EPB41L2: variants seen among roughly 807,000 people sequenced by gnomAD.
EPB41L2 encodes the protein erythrocyte membrane protein band 4.1 like 2, also known as band 4.1-like protein 2.
A neutral mutation model predicts 113.0 loss-of-function variants in EPB41L2; 43 were observed. The ratio of observed to expected loss-of-function variants is 0.38; its 90% confidence interval spans 0.30 to 0.49. EPB41L2 has a LOEUF of 0.49. Ranked by LOEUF, EPB41L2 falls within the 20% of genes least tolerant of loss-of-function variation. EPB41L2 has a pLI of 0.95. For missense variants in EPB41L2, 1,147 were observed against 1,223.4 expected (o/e 0.94, Z 0.93); for synonymous variants, 442 against 436.7 (o/e 1.01, Z -0.15).
At position 130,892,403 on chromosome 6, in the gene EPB41L2, C is replaced by CTTTTTTTTTTTTTTTTTTTTTT. The variant is rs60350565; in HGVS notation, c.1488-1938_1488-1937insAAAAAAAAAAAAAAAAAAAAAA. Among the ~76,000 whole-genome samples, 78 of 92,616 alleles carry CTTTTTTTTTTTTTTTTTTTTTT rather than the reference C, an allele frequency of 8.4e-4. 13 individuals are homozygous for CTTTTTTTTTTTTTTTTTTTTTT. The highest frequency in any genetic ancestry group is 1.3e-3 in the Non-Finnish European group (55 of 41,480). The allele number at this position is 92,616 out of a possible 152,430, so 60.8% of individuals were successfully genotyped here. A position where few individuals can be genotyped will look rare whatever the true frequency, so the allele number is the denominator to read the frequency against. On this transcript the variant is annotated intron_variant, in intron 10 of 19. Transcript: ENST00000337057. ...CTTGCCATTTCTGAACAGATTATTG[C>CTTTTTTTTTTTTTTTTTTTTTT]TTTTTTTTTTTTTTTTTTTATCATT...
chr6:130,899,728 T>C, intron 7 of EPB41L2, 150 bp from the exon 8 acceptor site: 1 of 653,480 alleles, frequency 1.5e-6, no homozygotes. Context: ...AGAAAACAAC[T>C]CTCAACCTCT....
chr6:130,921,770 T>C (rs1802955373), intron 4 of EPB41L2, among the ~76,000 whole-genome samples: 1 of 152,204 alleles, frequency 6.6e-6, no homozygotes, highest in Non-Finnish European at 1.5e-5. Context: ...CAAGTGTCTC[T>C]CCTATCTAGT....
chr6:130,986,042 T>G (rs4895901), intron 1 of EPB41L2, among the ~76,000 whole-genome samples: 42,539 of 151,980 alleles, frequency 0.28, 7,046 homozygotes, highest in Non-Finnish European at 0.37. Context: ...CCAACATCCC[T>G]ATAAACATAC....
At chr6:130,855,623 C>T (rs1351605208) in intron 19 of EPB41L2, among the ~76,000 whole-genome samples, 1 of 151,974 alleles carries the variant, frequency 6.6e-6, no homozygotes, top group Admixed American at 6.6e-5. Context: ...TTTGTAAGAC[C>T]TCATTTGATT....
At chr6:130,930,229 GC>G (rs146759452) in intron 3 of EPB41L2, among the ~76,000 whole-genome samples, 3,781 of 152,130 alleles carry the variant, frequency 0.025, 182 homozygotes, top group African/African-American at 0.087. Context: ...TAGCAAAAGA[GC>G]CCACTATTTT....
intron 16 of EPB41L2, among the ~76,000 whole-genome samples, chr6:130,866,524 C>T (rs1490439877): frequency 6.6e-6 from 1 of 152,170 alleles, no homozygotes; most frequent in Non-Finnish European, 1.5e-5. Context: ...AATGCTCCCC[C>T]GCCAAGCTGT....
intron 3 of EPB41L2, among the ~76,000 whole-genome samples, chr6:130,930,227 G>A (rs1234622598): frequency 6.6e-6 from 1 of 151,458 alleles, no homozygotes; most frequent in African/African-American, 2.5e-5. Flanking sequence ...TTTAGCAAAA[G>A]AGCCCACTAT....
At chr6:130,925,185 C>A (rs1243007390) in intron 4 of EPB41L2, among the ~76,000 whole-genome samples, 5 of 124,162 alleles carry the variant, frequency 4.0e-5, no homozygotes, top group African/African-American at 2.1e-4. Context: ...TATCAGATTT[C>A]TTTTCTTTTT....
chr6:131,023,766 T>TAC (rs1490383169), intron 1 of EPB41L2, among the ~76,000 whole-genome samples: 18 of 131,770 alleles, frequency 1.4e-4, no homozygotes, highest in Non-Finnish European at 2.2e-4. Context: ...GATATATAGA[T>TAC]ATATAGATAT....
intron 4 of EPB41L2, among the ~76,000 whole-genome samples, chr6:130,915,719 G>C (rs113583318): frequency 6.6e-6 from 1 of 152,138 alleles, no homozygotes; most frequent in Admixed American, 6.5e-5. Context: ...GGTGGGAGAT[G>C]AGTGAATCAT....
chr6:131,051,880 AAATACTAG>A (rs1462326781), intron 1 of EPB41L2, among the ~76,000 whole-genome samples: 1 of 152,178 alleles, frequency 6.6e-6, no homozygotes, highest in Non-Finnish European at 1.5e-5. Context: ...TTTTTTGGGC[AAATACTAG>A]AAGTCTTCAT....
intron 4 of EPB41L2, among the ~76,000 whole-genome samples, chr6:130,925,079 T>C (rs1804187852): frequency 6.6e-6 from 1 of 152,078 alleles, no homozygotes; most frequent in South Asian, 2.1e-4. Context: ...TTGACATAAA[T>C]TGAGAGTTGT....
At chr6:131,036,772 C>A (rs1793402121) in intron 1 of EPB41L2, among the ~76,000 whole-genome samples, 1 of 151,970 alleles carries the variant, frequency 6.6e-6, no homozygotes, top group South Asian at 2.1e-4. Flanking sequence ...GGTTGAATAC[C>A]ATTGCCTAAA....
intron 1 of EPB41L2, among the ~76,000 whole-genome samples, chr6:131,021,090 A>C (rs757861339): frequency 1.3e-5 from 2 of 152,064 alleles, no homozygotes; most frequent in Non-Finnish European, 2.9e-5. Flanking sequence ...GAGCCACCAC[A>C]CTAGGCTTGG....
intron 1 of EPB41L2, among the ~76,000 whole-genome samples, chr6:131,008,591 T>G (rs1244374713): frequency 6.6e-6 from 1 of 152,204 alleles, no homozygotes; most frequent in Non-Finnish European, 1.5e-5. Flanking sequence ...AGCTTGCACC[T>G]TGTCCCTGGA....
At chr6:130,930,577 T>C (rs1430860842) in intron 3 of EPB41L2, among the ~76,000 whole-genome samples, 1 of 152,194 alleles carries the variant, frequency 6.6e-6, no homozygotes, top group Non-Finnish European at 1.5e-5. Context: ...ATGTAGACAC[T>C]GGTATTCACA....
intron 1 of EPB41L2, among the ~76,000 whole-genome samples, chr6:130,964,001 A>G (rs1220230372): frequency 2.6e-5 from 4 of 151,526 alleles, no homozygotes; most frequent in Admixed American, 6.6e-5. Context: ...ATCAAAGCTG[A>G]AGCTATATTC....
At chr6:131,043,763 TTATTTAGTTATTA>T in intron 1 of EPB41L2, among the ~76,000 whole-genome samples, 1 of 152,312 alleles carries the variant, frequency 6.6e-6, no homozygotes, top group Admixed American at 6.5e-5. Context: ...TGCTGTTAAT[TTATTTAGTTATTA>T]TAATGGTATT....
At chr6:131,052,295 T>C (rs1796724088) in intron 1 of EPB41L2, among the ~76,000 whole-genome samples, 1 of 152,090 alleles carries the variant, frequency 6.6e-6, no homozygotes, top group Non-Finnish European at 1.5e-5. Flanking sequence ...AGTTCATGGA[T>C]AAACTCCTAA....
Sources: gnomAD v4.1 joint callset for allele counts (sites outside exome capture counted in the v4.1 genomes callset) on GRCh38, gnomAD v4.1.1 for gene constraint, MANE v1.5 for transcripts, NCBI Gene and HGNC (gene_info 2026-07-23, HGNC 2026-07-21) for gene names.